TBL1X: variants seen among roughly 807,000 people sequenced by gnomAD.
The protein encoded by TBL1X is transducin beta like 1 X-linked, also known as F-box-like/WD repeat-containing protein TBL1X.
A neutral mutation model predicts 50.7 loss-of-function variants in TBL1X; 10 were observed. That is an observed-to-expected ratio of 0.20 (90% CI 0.12 to 0.33). The LOEUF (loss-of-function observed/expected upper bound fraction) is 0.33, where lower values mean the gene tolerates loss of function less well. TBL1X is among the 10% of genes least tolerant of loss of function. TBL1X has a pLI of 1.00. For synonymous variants in TBL1X, 190 were observed against 214.7 expected (o/e 0.88, Z 1.01); for missense variants, 340 against 504.4 (o/e 0.67, Z 3.12).
chrX:9,649,384 G>A (rs1256019523), intron 3 of TBL1X, among the ~76,000 whole-genome samples: 3 of 112,091 alleles, frequency 2.7e-5, no homozygotes, highest in African/African-American at 6.5e-5. Context: ...ATCCTGGCTC[G>A]ATTGCAGGCC....
chrX:9,609,928 A>G (rs111921742), intron 2 of TBL1X, among the ~76,000 whole-genome samples: 1 of 112,571 alleles, frequency 8.9e-6, no homozygotes, highest in African/African-American at 3.2e-5. Flanking sequence ...TCTTTCCAAT[A>G]TTGCACTTTC....
intron 1 of TBL1X, among the ~76,000 whole-genome samples, chrX:9,480,139 A>C (rs756251654): frequency 9.0e-6 from 1 of 111,402 alleles, no homozygotes; most frequent in South Asian, 3.8e-4. Flanking sequence ...TTTTTAGTAG[A>C]GACAGGGTTT....
chrX:9,654,429 GCT>G, intron 5 of TBL1X, 107 bp downstream of exon 5: 18 of 645,340 alleles, frequency 2.8e-5, no homozygotes, highest in Non-Finnish European at 3.6e-5. Context: ...AAGAAGAAGA[GCT>G]AAGAAGGTTC....
intron 5 of TBL1X, among the ~76,000 whole-genome samples, chrX:9,668,133 GTGTATGTTATCA>G (rs1279366856): frequency 2.7e-5 from 3 of 111,437 alleles, no homozygotes; most frequent in Non-Finnish European, 5.7e-5. Context: ...TGATGTTTCA[GTGTATGTTATCA>G]TTAATAATTA....
intron 9 of TBL1X, among the ~76,000 whole-genome samples, chrX:9,692,777 TATC>T (rs2083106765): frequency 8.9e-6 from 1 of 112,590 alleles, no homozygotes; most frequent in Non-Finnish European, 1.9e-5. Flanking sequence ...TCAGTAGCCG[TATC>T]TTTGCACGTG....
At chrX:9,516,029 G>A (rs952499480) in intron 2 of TBL1X, among the ~76,000 whole-genome samples, 3 of 111,244 alleles carry the variant, frequency 2.7e-5, no homozygotes, top group African/African-American at 6.6e-5. Context: ...AAAAAAGGGT[G>A]CAGGACCACT....
At chrX:9,577,695 C>T (rs1022359855) in intron 2 of TBL1X, among the ~76,000 whole-genome samples, 1 of 111,928 alleles carries the variant, frequency 8.9e-6, no homozygotes, top group African/African-American at 3.3e-5. Context: ...ATTCCGAAGA[C>T]CAGCAGTCCT....
chrX:9,532,246 T>A (rs1260496416), intron 2 of TBL1X, among the ~76,000 whole-genome samples: 2 of 111,885 alleles, frequency 1.8e-5, no homozygotes, highest in Admixed American at 1.9e-4. Context: ...ATTTCTTTTA[T>A]GTCAATTAAC....
rs1230590391 is a variant in TBL1X, at chrX:9,688,142, G to T, written c.483G>T (p.Ala161=). The T allele has an allele frequency of 8.5e-7, 1 of 1,171,267 alleles. No homozygotes were observed. ...REKLAQQQAS[A]AAAAAAATAA... Reference sequence around the variant, plus strand: ...AGCTCGCTCAGCAGCAAGCCAGTGCGGCGGCGGCGGCGGCTGCGGCCACGG... The same window carrying T: ...AGCTCGCTCAGCAGCAAGCCAGTGCTGCGGCGGCGGCGGCTGCGGCCACGG... Residue 161 remains alanine (A), a synonymous_variant, in exon 7 of 18, where the codon GCG becomes GCT. Transcript: ENST00000645353.
At chrX:9,523,177 T>TCAGA (rs1039058765) in intron 2 of TBL1X, among the ~76,000 whole-genome samples, 3 of 112,076 alleles carry the variant, frequency 2.7e-5, no homozygotes, top group African/African-American at 9.7e-5. Context: ...TCCCTCGTTG[T>TCAGA]CATTCTTCAA....
At chrX:9,551,377 A>G (rs747300028) in intron 2 of TBL1X, among the ~76,000 whole-genome samples, 1 of 110,776 alleles carries the variant, frequency 9.0e-6, no homozygotes, top group East Asian at 2.9e-4. Flanking sequence ...ACACGTTCTC[A>G]TGCATTCTTC....
chrX:9,521,351 A>G (rs16992363), intron 2 of TBL1X, among the ~76,000 whole-genome samples: 3,799 of 111,352 alleles, frequency 0.034, 188 homozygotes, highest in African/African-American at 0.12. Context: ...TGGGTCCGGT[A>G]GATGCAGGAA....
intron 2 of TBL1X, among the ~76,000 whole-genome samples, chrX:9,622,259 C>T (rs2146569237): frequency 9.0e-6 from 1 of 111,063 alleles, no homozygotes; most frequent in African/African-American, 3.3e-5. Context: ...ACCTCCAGAA[C>T]TTTTTCATCT....
intron 12 of TBL1X, among the ~76,000 whole-genome samples, chrX:9,702,607 GA>G (rs59896272): frequency 0.026 from 1,797 of 70,040 alleles, 30 homozygotes; most frequent in African/African-American, 0.073. Context: ...TCATCTCCAA[GA>G]AAAAAAAAAA....
chrX:9,672,091 A>G (rs1422125735), intron 5 of TBL1X, among the ~76,000 whole-genome samples: 1 of 112,814 alleles, frequency 8.9e-6, no homozygotes, highest in Non-Finnish European at 1.9e-5. Context: ...TTAAGTATAC[A>G]TCTTGTTCAG....
At chrX:9,496,470 A>AACTTTTATGT (rs1250992902) in intron 1 of TBL1X, among the ~76,000 whole-genome samples, 1 of 112,916 alleles carries the variant, frequency 8.9e-6, no homozygotes, top group Non-Finnish European at 1.9e-5. Flanking sequence ...GTTGTAAACC[A>AACTTTTATGT]AACTTTTGAC....
At chrX:9,569,370 CTGTG>C (rs1294832667) in intron 2 of TBL1X, among the ~76,000 whole-genome samples, 1 of 102,753 alleles carries the variant, frequency 9.7e-6, no homozygotes, top group African/African-American at 3.6e-5. Flanking sequence ...GTGTGGTGTG[CTGTG>C]TGTGCACGTG....
chrX:9,522,596 G>C lies in TBL1X; in HGVS notation c.-131+20747G>C, dbSNP rs1807697478. On this transcript the variant is annotated intron_variant, in intron 2 of 17. Transcript: ENST00000645353. ...CCAGAACTTGGTGTGCTGGATTCCAGCCTTGTGTGTTTCTCATTATGACTA... is the reference window on the plus strand; with the variant it reads ...CCAGAACTTGGTGTGCTGGATTCCACCCTTGTGTGTTTCTCATTATGACTA... Among the ~76,000 whole-genome samples the C allele has an allele frequency of 2.7e-5, 3 of 112,121 alleles. No individual in the cohort carries two copies. In the South Asian group the frequency reaches 1.1e-3, roughly 41 times the overall value.
At chrX:9,712,308 T>C (rs1010261710) in intron 16 of TBL1X, among the ~76,000 whole-genome samples, 7 of 111,981 alleles carry the variant, frequency 6.3e-5, no homozygotes, top group African/African-American at 1.3e-4. Flanking sequence ...AATTTTTCTT[T>C]TCTGTTTTGT....
Sources: gnomAD v4.1 joint callset for allele counts (sites outside exome capture counted in the v4.1 genomes callset) on GRCh38, gnomAD v4.1.1 for gene constraint, MANE v1.5 for transcripts, NCBI Gene and HGNC (gene_info 2026-07-23, HGNC 2026-07-21) for gene names.